CR1: variants seen among roughly 807,000 people sequenced by gnomAD.
The protein encoded by CR1 is complement receptor type 1.
CR1 carries 116 observed loss-of-function variants against 187.3 expected under a neutral mutation model. The observed-to-expected ratio is 0.62, with a 90% CI of 0.53 to 0.72. CR1 has a LOEUF of 0.72. Ranked by LOEUF, CR1 falls within the 30% of genes least tolerant of loss-of-function variation. The probability of loss-of-function intolerance (pLI) is 0.00; values close to 1 mark genes in which losing one functional copy is unlikely to be tolerated. For synonymous variants in CR1, 576 were observed against 747.1 expected, an observed-to-expected ratio of 0.77 and a Z score of 3.73; for missense variants, 1,731 against 2,110.7, an observed-to-expected ratio of 0.82 and a Z score of 3.52.
intron 34 of CR1, 88 bp downstream of exon 34, chr1:207,587,653 C>A: frequency 7.8e-7 from 1 of 1,288,386 alleles, no homozygotes; most frequent in Non-Finnish European, 1.1e-6. Flanking sequence ...AATCCCATCA[C>A]TTTGGGAGGC....
At chr1:207,519,057 A>G (rs755055123) in intron 4 of CR1, among the ~76,000 whole-genome samples, 1 of 152,250 alleles carries the variant, frequency 6.6e-6, no homozygotes, top group Non-Finnish European at 1.5e-5. Flanking sequence ...CTATTTTATC[A>G]TAATGAAATG....
intron 32 of CR1, among the ~76,000 whole-genome samples, chr1:207,583,656 A>G (rs1661024928): frequency 1.3e-5 from 2 of 152,216 alleles, no homozygotes; most frequent in Non-Finnish European, 2.9e-5. Flanking sequence ...TCATATGAAT[A>G]CTTTGCCTTA....
chr1:207,514,471 G>A (rs890313981), intron 4 of CR1, among the ~76,000 whole-genome samples: 32 of 152,182 alleles, frequency 2.1e-4, no homozygotes, highest in Admixed American at 1.0e-3. Context: ...ATCACGAATG[G>A]GATTAGCGTC....
At chr1:207,593,084 C>CAAAAAAAAAAAAAAAAAAA (rs57700679) in intron 35 of CR1, among the ~76,000 whole-genome samples, 3 of 83,114 alleles carry the variant, frequency 3.6e-5, no homozygotes, top group Admixed American at 1.2e-4. Flanking sequence ...CACAGAATTA[C>CAAAAAAAAAAAAAAAAAAA]AAAAAAAAAA....
intron 5 of CR1, among the ~76,000 whole-genome samples, chr1:207,525,939 G>T (rs1347685154): frequency 6.6e-6 from 1 of 152,074 alleles, no homozygotes; most frequent in Non-Finnish European, 1.5e-5. Flanking sequence ...GAACTGATCT[G>T]CTCAAAGACA....
At chr1:207,576,687 A>G (rs116117429) in intron 28 of CR1, among the ~76,000 whole-genome samples, 2,219 of 152,038 alleles carry the variant, frequency 0.015, 61 homozygotes, top group African/African-American at 0.051. Context: ...GCACGGTGGC[A>G]CATGCCTGTA....
intron 46 of CR1, among the ~76,000 whole-genome samples, chr1:207,639,069 G>A (rs1035983966): frequency 6.6e-6 from 1 of 151,894 alleles, no homozygotes; most frequent in Non-Finnish European, 1.5e-5. Flanking sequence ...GCCTGAGGCT[G>A]GCCCCTTTGC....
chr1:207,627,832 A>T lies in CR1; in HGVS notation c.7353-2685A>T, dbSNP rs566899051. Among the ~76,000 whole-genome samples the T allele has an allele frequency of 3.9e-5, 6 of 152,302 alleles. No individual in the cohort carries two copies. In the South Asian group the frequency reaches 1.2e-3, roughly 32 times the overall value. On this transcript the variant is annotated intron_variant, in intron 45 of 46. Coordinates refer to ENST00000367049, the MANE Select transcript of CR1 (RefSeq NM_000651.6). ...GAGTCCAAGGTCAAGGCAACTGCAA[A>T]TTCAGTGTCTGGTGGGGATCGCTTT...
intron 29 of CR1, among the ~76,000 whole-genome samples, chr1:207,578,832 T>C (rs112730928): frequency 1.3e-5 from 2 of 152,258 alleles, no homozygotes; most frequent in Non-Finnish European, 2.9e-5. Context: ...TTGTCTATAA[T>C]GGTCTGCCTC....
chr1:207,632,792 C>A (rs1332893560), intron 46 of CR1, among the ~76,000 whole-genome samples: 1 of 119,454 alleles, frequency 8.4e-6, no homozygotes. Context: ...AGCAAGACTC[C>A]GTCTCAAAAA....
intron 5 of CR1, among the ~76,000 whole-genome samples, chr1:207,524,608 G>C (rs188473867): frequency 6.6e-6 from 1 of 151,996 alleles, no homozygotes; most frequent in East Asian, 1.9e-4. Flanking sequence ...GGCTGGTCTC[G>C]AACTCCTCAG....
At chr1:207,576,746 A>G (rs935208586) in intron 28 of CR1, among the ~76,000 whole-genome samples, 2 of 152,146 alleles carry the variant, frequency 1.3e-5, no homozygotes, top group African/African-American at 4.8e-5. Context: ...CTTGAGCCAG[A>G]GAGGTCGAGG....
intron 46 of CR1, among the ~76,000 whole-genome samples, chr1:207,637,714 G>A (rs1268817692): frequency 6.6e-6 from 1 of 152,154 alleles, no homozygotes; most frequent in Non-Finnish European, 1.5e-5. Context: ...ATCATCTGTG[G>A]GGCCAGGTAC....
Position 207,612,024 on chromosome 1 carries a change from C to A in CR1, c.6558C>A (p.Ser2186=), listed in dbSNP as rs748822913. ...ATCTCCAGCTTGGGGCAAAGGTGTC[C>A]TTTGTTTGCGATGAAGGGTGAGTGT... ...PLNLQLGAKV[S]FVCDEGFRLK... Residue 2186 remains serine, a synonymous_variant, in exon 39 of 47, where the codon TCC becomes TCA. Transcript: ENST00000367049. The A allele has an allele frequency of 1.2e-6, 2 of 1,613,938 alleles. No individual in the cohort carries two copies. The highest frequency in any genetic ancestry group is 2.2e-5 in the South Asian group (2 of 91,078).
intron 33 of CR1, 90 bp from the exon 34 acceptor site, chr1:207,587,296 G>C (rs1450575017): frequency 8.9e-7 from 1 of 1,118,120 alleles, no homozygotes; most frequent in Non-Finnish European, 1.3e-6. Flanking sequence ...TTGTTTCTGT[G>C]ATCCACCTAT....
At chr1:207,515,803 A>G (rs1659792547) in intron 4 of CR1, among the ~76,000 whole-genome samples, 1 of 152,154 alleles carries the variant, frequency 6.6e-6, no homozygotes, top group African/African-American at 2.4e-5. Context: ...ATTGTCTTTC[A>G]GGCTGTGGCT....
At chr1:207,588,654 A>C (rs772325297) in intron 34 of CR1, 21 bp from the exon 35 acceptor site, 1 of 1,560,676 alleles carries the variant, frequency 6.4e-7, no homozygotes, top group Non-Finnish European at 8.8e-7. Flanking sequence ...ATTTAATCCC[A>C]AATTCTGCTT....
chr1:207,592,183 C>T (rs1661291538), intron 35 of CR1, among the ~76,000 whole-genome samples: 1 of 152,094 alleles, frequency 6.6e-6, no homozygotes, highest in Non-Finnish European at 1.5e-5. Context: ...AACATTGATG[C>T]AAAAATCCTC....
intron 29 of CR1, 142 bp from the exon 30 acceptor site, chr1:207,580,098 G>A (rs1660886998): frequency 1.7e-5 from 21 of 1,209,414 alleles, no homozygotes; most frequent in Non-Finnish European, 2.4e-5. Flanking sequence ...CTCATGCCCT[G>A]TAGATTTACA....
Sources: gnomAD v4.1 joint callset for allele counts (sites outside exome capture counted in the v4.1 genomes callset) on GRCh38, gnomAD v4.1.1 for gene constraint, MANE v1.5 for transcripts, NCBI Gene and HGNC (gene_info 2026-07-23, HGNC 2026-07-21) for gene names.